GRM1: variants seen among roughly 807,000 people sequenced by gnomAD.
The protein encoded by GRM1 is glutamate metabotropic receptor 1, also known as metabotropic glutamate receptor 1.
In GRM1, 33 loss-of-function variants were observed where a neutral mutation model predicts 90.9. The observed-to-expected ratio is 0.36, with a 90% CI of 0.28 to 0.49. The LOEUF (loss-of-function observed/expected upper bound fraction) is 0.49, where lower values mean the gene tolerates loss of function less well. Ranked by LOEUF, GRM1 falls within the 20% of genes least tolerant of loss-of-function variation. GRM1 has a pLI of 0.99. For missense variants in GRM1, 1,190 were observed against 1,534.3 expected (o/e 0.78, Z 3.75); for synonymous variants, 700 against 613.2 (o/e 1.14, Z -2.09).
chr6:146,056,292 G>T (rs1397469703), intron 1 of GRM1, among the ~76,000 whole-genome samples: 4 of 152,086 alleles, frequency 2.6e-5, no homozygotes, highest in Admixed American at 1.3e-4. Context: ...GAGTGAGTGG[G>T]AACTGGCACC....
chr6:146,245,136 CA>C (rs1583215336), intron 2 of GRM1, among the ~76,000 whole-genome samples: 2 of 151,646 alleles, frequency 1.3e-5, no homozygotes, highest in South Asian at 4.2e-4. Context: ...TGGGAGCAAG[CA>C]AACAAACAAT....
intron 1 of GRM1, among the ~76,000 whole-genome samples, chr6:146,137,715 G>A (rs886366493): frequency 1.3e-5 from 2 of 151,960 alleles, no homozygotes; most frequent in African/African-American, 2.4e-5. Context: ...ATTTTGATAG[G>A]GCTCACATTG....
intron 2 of GRM1, among the ~76,000 whole-genome samples, chr6:146,180,018 G>A (rs1165606736): frequency 2.6e-5 from 4 of 152,014 alleles, no homozygotes; most frequent in Admixed American, 2.0e-4. Flanking sequence ...GTATGGTGGT[G>A]TGCACCTGTG....
At chr6:146,324,684 C>G (rs1279438931) in intron 3 of GRM1, among the ~76,000 whole-genome samples, 1 of 152,020 alleles carries the variant, frequency 6.6e-6, no homozygotes, top group Non-Finnish European at 1.5e-5. Flanking sequence ...GAGGGAGTTC[C>G]CTGACCCTTT....
intron 1 of GRM1, among the ~76,000 whole-genome samples, chr6:146,127,989 G>A (rs2128879349): frequency 6.6e-6 from 1 of 152,284 alleles, no homozygotes; most frequent in East Asian, 1.9e-4. Flanking sequence ...CTCCCTGGCA[G>A]TTGACACTGG....
chr6:146,404,467 G>A (rs1372963342), intron 7 of GRM1, among the ~76,000 whole-genome samples: 1 of 152,158 alleles, frequency 6.6e-6, no homozygotes, highest in African/African-American at 2.4e-5. Flanking sequence ...GCCCAGGGAA[G>A]AAAGAGATTA....
At chr6:146,411,731 A>C (rs1040665667) in intron 7 of GRM1, among the ~76,000 whole-genome samples, 2 of 152,180 alleles carry the variant, frequency 1.3e-5, no homozygotes, top group Admixed American at 1.3e-4. Flanking sequence ...AGTAAGAACA[A>C]AAGTAAAAGT....
At chr6:146,333,409 G>A (rs362980) in intron 3 of GRM1, among the ~76,000 whole-genome samples, 23 of 152,216 alleles carry the variant, frequency 1.5e-4, no homozygotes, top group Non-Finnish European at 2.6e-4. Context: ...ATAAATTGAG[G>A]AAAATCACAC....
chr6:146,124,848 C>A (rs574499530), intron 1 of GRM1, among the ~76,000 whole-genome samples: 1 of 152,124 alleles, frequency 6.6e-6, no homozygotes, highest in East Asian at 1.9e-4. Context: ...TGCAGGTTGA[C>A]ATTAATAACC....
intron 3 of GRM1, among the ~76,000 whole-genome samples, chr6:146,328,789 T>G (rs1562613187): frequency 6.6e-6 from 1 of 152,170 alleles, no homozygotes; most frequent in Non-Finnish European, 1.5e-5. Flanking sequence ...GCTCTCAAGA[T>G]ACTCATCTCA....
chr6:146,305,128 A>G (rs1349856145), intron 3 of GRM1, among the ~76,000 whole-genome samples: 1 of 151,326 alleles, frequency 6.6e-6, no homozygotes, highest in Non-Finnish European at 1.5e-5. Flanking sequence ...TTTAAGACAG[A>G]AGGAAGAGAT....
At chr6:146,285,529 T>A (rs1246919843) in intron 2 of GRM1, among the ~76,000 whole-genome samples, 1 of 152,236 alleles carries the variant, frequency 6.6e-6, no homozygotes, top group Non-Finnish European at 1.5e-5. Flanking sequence ...TTAACATGAA[T>A]TAGATCTCTT....
intron 5 of GRM1, among the ~76,000 whole-genome samples, chr6:146,378,113 A>G (rs1776178937): frequency 6.6e-6 from 1 of 152,202 alleles, no homozygotes; most frequent in Admixed American, 6.5e-5. Flanking sequence ...CAGAGGATAC[A>G]TGGAAATACC....
chr6:146,287,915 C>G (rs1583277869), intron 2 of GRM1, among the ~76,000 whole-genome samples: 1 of 152,206 alleles, frequency 6.6e-6, no homozygotes, highest in East Asian at 1.9e-4. Context: ...TTTTGGATTT[C>G]TGACCTCCAG....
intron 3 of GRM1, among the ~76,000 whole-genome samples, chr6:146,350,874 G>T (rs1278247395): frequency 1.3e-5 from 2 of 152,026 alleles, no homozygotes; most frequent in African/African-American, 2.4e-5. Flanking sequence ...GTCTTATCTT[G>T]CAAAGCTGGA....
chr6:146,128,693 A>G (rs1776284093), intron 1 of GRM1, among the ~76,000 whole-genome samples: 1 of 152,314 alleles, frequency 6.6e-6, no homozygotes, highest in South Asian at 2.1e-4. Flanking sequence ...TTTAGATTTC[A>G]GACACACAAT....
chr6:146,048,370 A>G (rs550122999), intron 1 of GRM1, among the ~76,000 whole-genome samples: 161 of 152,194 alleles, frequency 1.1e-3, no homozygotes, highest in Non-Finnish European at 1.5e-3. Flanking sequence ...TAATAATGCC[A>G]TCTTGGCACA....
At chr6:146,401,847 A>G (rs1777169735) in intron 7 of GRM1, among the ~76,000 whole-genome samples, 1 of 152,176 alleles carries the variant, frequency 6.6e-6, no homozygotes, top group Non-Finnish European at 1.5e-5. Flanking sequence ...TGTTTAAGAG[A>G]ACAGTGACTA....
At chr6:146,134,743 C>A (rs1035814417) in intron 1 of GRM1, among the ~76,000 whole-genome samples, 4 of 151,934 alleles carry the variant, frequency 2.6e-5, no homozygotes, top group Non-Finnish European at 4.4e-5. Context: ...ATCCTGACTA[C>A]CACAGTGAAA....
Sources: allele counts gnomAD v4.1 joint callset (sites outside exome capture counted in the v4.1 genomes callset), GRCh38; gene constraint gnomAD v4.1.1; transcripts MANE v1.5; gene names NCBI Gene and HGNC (gene_info 2026-07-23, HGNC 2026-07-21).